TGFBR3: variants seen among roughly 807,000 people sequenced by gnomAD.
TGFBR3 encodes transforming growth factor beta receptor type 3.
TGFBR3 carries 46 observed loss-of-function variants against 87.9 expected under a neutral mutation model. That is an observed-to-expected ratio of 0.52 (90% CI 0.41 to 0.67). The LOEUF (loss-of-function observed/expected upper bound fraction) is 0.67, where lower values mean the gene tolerates loss of function less well. Ranked by LOEUF, TGFBR3 falls within the 30% of genes least tolerant of loss-of-function variation. The probability of loss-of-function intolerance (pLI) is 0.00; values close to 1 mark genes in which losing one functional copy is unlikely to be tolerated. For synonymous variants in TGFBR3, 381 were observed against 391.6 expected (o/e 0.97, Z 0.32); for missense variants, 866 against 1,041.9 (o/e 0.83, Z 2.32).
At chr1:91,850,780 C>CA (rs61025683) in intron 2 of TGFBR3, among the ~76,000 whole-genome samples, 4,768 of 58,242 alleles carry the variant, frequency 0.082, 406 homozygotes, top group African/African-American at 0.15. Context: ...GACCCTGTCT[C>CA]AAAAAAAAAA....
intron 4 of TGFBR3, among the ~76,000 whole-genome samples, chr1:91,745,213 C>G (rs193071443): frequency 5.4e-4 from 82 of 152,348 alleles, no homozygotes; most frequent in Admixed American, 1.6e-3. Flanking sequence ...ACTCCTCCCC[C>G]TCTTCTGTCC....
At chr1:91,796,145 G>A (rs759434524) in intron 3 of TGFBR3, among the ~76,000 whole-genome samples, 1 of 152,124 alleles carries the variant, frequency 6.6e-6, no homozygotes, top group African/African-American at 2.4e-5. Context: ...GCGAATACCT[G>A]AGTGATAACA....
rs919507590 is a variant in TGFBR3, at chr1:91,784,688, G to A, written c.246+12599C>T. 3.9e-5 allele frequency among the ~76,000 whole-genome samples: 6 copies of A among 152,166 alleles called. 1 individual carries two copies. The highest frequency in any genetic ancestry group is 4.1e-4 in the South Asian group (2 of 4,828). On this transcript the variant is annotated intron_variant, in intron 3 of 16. Transcript: ENST00000212355. ...AGAGACTGAAGAAAGAAGTCCAGGT[G>A]GAATTAAGAATAAGGGCGTGGGGCA... is the stretch of plus-strand genomic sequence containing the variant.
intron 16 of TGFBR3, among the ~76,000 whole-genome samples, chr1:91,688,310 A>T (rs1671160346): frequency 6.6e-6 from 1 of 152,114 alleles, no homozygotes; most frequent in Admixed American, 6.5e-5. Context: ...GCAAAATCTG[A>T]TAATAACTAA....
chr1:91,763,725 C>T (rs1028822364), intron 3 of TGFBR3, among the ~76,000 whole-genome samples: 1 of 152,200 alleles, frequency 6.6e-6, no homozygotes, highest in Non-Finnish European at 1.5e-5. Flanking sequence ...TAGGGTCCCA[C>T]TGAACTCAAA....
At chr1:91,834,438 A>AT (rs1676983579) in intron 2 of TGFBR3, among the ~76,000 whole-genome samples, 1 of 152,240 alleles carries the variant, frequency 6.6e-6, no homozygotes, top group Admixed American at 6.5e-5. Context: ...TGGGCATGAC[A>AT]TATGAGTGTT....
chr1:91,853,280 A>AAAG (rs1426841429), intron 2 of TGFBR3, among the ~76,000 whole-genome samples: 3 of 149,908 alleles, frequency 2.0e-5, no homozygotes, highest in African/African-American at 7.3e-5. Flanking sequence ...AAAAAAAAAA[A>AAAG]AAGAAGAAGA....
chr1:91,783,436 C>T (rs936924949), intron 3 of TGFBR3, among the ~76,000 whole-genome samples: 4 of 152,202 alleles, frequency 2.6e-5, no homozygotes, highest in African/African-American at 4.8e-5. Context: ...TGAGGTGCCC[C>T]GGCGGGCTGG....
rs780456773 is a variant in TGFBR3, at chr1:91,720,146, T to C, written c.1160A>G (p.Gln387Arg). Residue 387 changes from glutamine to arginine, a missense_variant, in exon 9 of 17, where the codon CAG (glutamine) becomes CGG (arginine). By Grantham distance (43) the Gln-to-Arg change is conservative. Transcript: ENST00000212355. ...LLDPGALPAL[Q>R]NPPIRGGEGQ... The stretch of plus-strand genomic sequence containing the variant: ...TTCCCCTCCCCGGATGGGCGGGTTC[T>C]GCAGGGCAGGCAGGGCACCAGGGTC... 5 of 1,614,026 alleles carry C rather than the reference T, an allele frequency of 3.1e-6. No homozygotes were observed. Among genetic ancestry groups the C allele is most frequent in the Non-Finnish European group, 3.4e-6 (4 of 1,179,986 alleles).
chr1:91,730,117 G>T, intron 5 of TGFBR3, 144 bp from the exon 6 acceptor site: 1 of 901,178 alleles, frequency 1.1e-6, no homozygotes. Flanking sequence ...TGTGAAGTCC[G>T]CAACCACTGC....
intron 4 of TGFBR3, among the ~76,000 whole-genome samples, chr1:91,748,152 T>A (rs2100862680): frequency 6.6e-6 from 1 of 152,326 alleles, no homozygotes; most frequent in East Asian, 1.9e-4. Flanking sequence ...TAGCCCGAAA[T>A]AACTGTGGTT....
chr1:91,895,511 G>A (rs1005087310), intron 2 of TGFBR3, among the ~76,000 whole-genome samples: 2 of 151,870 alleles, frequency 1.3e-5, no homozygotes, highest in African/African-American at 4.8e-5. Context: ...TAGAGAGATG[G>A]GGTCTCACTA....
intron 4 of TGFBR3, among the ~76,000 whole-genome samples, chr1:91,751,378 AG>A (rs1673535774): frequency 1.3e-5 from 2 of 152,176 alleles, no homozygotes; most frequent in African/African-American, 4.8e-5. Context: ...CTTCATGAAA[AG>A]GTAACAGCTG....
intron 3 of TGFBR3, among the ~76,000 whole-genome samples, chr1:91,786,519 G>A (rs190818004): frequency 3.5e-3 from 527 of 152,338 alleles, no homozygotes; most frequent in African/African-American, 0.012. Context: ...GGGAGGCTGA[G>A]ATGGATGGAT....
intron 7 of TGFBR3, among the ~76,000 whole-genome samples, chr1:91,723,925 TA>T (rs1672460598): frequency 6.6e-6 from 1 of 152,366 alleles, no homozygotes; most frequent in East Asian, 1.9e-4. Context: ...TGTAAAACCC[TA>T]AAAGATTCAC....
intron 2 of TGFBR3, among the ~76,000 whole-genome samples, chr1:91,827,564 C>T (rs1481241886): frequency 6.6e-6 from 1 of 152,206 alleles, no homozygotes; most frequent in Non-Finnish European, 1.5e-5. Context: ...CAGGGAGAGA[C>T]AGGCCCCCAT....
intron 1 of TGFBR3, among the ~76,000 whole-genome samples, chr1:91,900,941 G>C (rs1025583743): frequency 6.6e-6 from 1 of 152,182 alleles, no homozygotes; most frequent in Non-Finnish European, 1.5e-5. Flanking sequence ...GCTCAGGCTG[G>C]CCTCAAACTT....
intron 2 of TGFBR3, among the ~76,000 whole-genome samples, chr1:91,825,520 G>C (rs572916407): frequency 6.6e-6 from 1 of 152,324 alleles, no homozygotes; most frequent in South Asian, 2.1e-4. Flanking sequence ...TGGATAAAGA[G>C]GTTTTTTGGA....
At chr1:91,687,928 G>A (rs1478016017) in intron 16 of TGFBR3, among the ~76,000 whole-genome samples, 2 of 152,140 alleles carry the variant, frequency 1.3e-5, no homozygotes, top group East Asian at 1.9e-4. Context: ...TGTTGGATGC[G>A]ATTTTCTATC....
Sources: allele counts gnomAD v4.1 joint callset (sites outside exome capture counted in the v4.1 genomes callset), GRCh38; gene constraint gnomAD v4.1.1; transcripts MANE v1.5; gene names NCBI Gene and HGNC (gene_info 2026-07-23, HGNC 2026-07-21).